The following MYO1E variants were observed in gnomAD, a reference collection of about 807,000 sequenced individuals.
MYO1E encodes the protein unconventional myosin-Ie.
In MYO1E, 68 loss-of-function variants were observed where a neutral mutation model predicts 151.1. The ratio of observed to expected loss-of-function variants is 0.45; its 90% CI spans 0.37 to 0.55. The LOEUF is 0.55. MYO1E is among the 20% of genes least tolerant of loss of function. The pLI, the probability that MYO1E is intolerant of heterozygous loss-of-function variation, is 0.00. For synonymous variants in MYO1E, 601 were observed against 501.7 expected, an observed-to-expected ratio of 1.20 and a Z score of -2.64; for missense variants, 1,363 against 1,389.3, an observed-to-expected ratio of 0.98 and a Z score of 0.30.
intron 22 of MYO1E, among the ~76,000 whole-genome samples, chr15:59,169,944 G>A (rs2079582540): frequency 6.6e-6 from 1 of 152,170 alleles, no homozygotes; most frequent in Admixed American, 6.5e-5. Flanking sequence ...TGGATCACTT[G>A]AAGTCGGGAG....
At chr15:59,181,054 C>T (rs78406543) in intron 18 of MYO1E, among the ~76,000 whole-genome samples, 1,569 of 152,212 alleles carry the variant, frequency 0.01, 32 homozygotes, top group African/African-American at 0.036. Flanking sequence ...CTCCCAGCTG[C>T]TGGCACTTGA....
At chr15:59,278,499 A>G (rs1026766300) in intron 1 of MYO1E, among the ~76,000 whole-genome samples, 1 of 151,348 alleles carries the variant, frequency 6.6e-6, no homozygotes, top group Non-Finnish European at 1.5e-5. Context: ...TCCACTGCAA[A>G]TGATGAAAAA....
chr15:59,224,404 A>G (rs954383140), intron 8 of MYO1E, among the ~76,000 whole-genome samples: 3 of 152,240 alleles, frequency 2.0e-5, no homozygotes, highest in African/African-American at 7.2e-5. Context: ...GCAAACAGGT[A>G]TGCTCAACGT....
At chr15:59,231,838 C>T in intron 5 of MYO1E, 47 bp from the exon 6 acceptor site, 1 of 1,595,768 alleles carries the variant, frequency 6.3e-7, no homozygotes, top group East Asian at 2.2e-5. Context: ...GAACACCTAC[C>T]ACACAGTGTA....
intron 25 of MYO1E, among the ~76,000 whole-genome samples, chr15:59,157,242 G>T (rs1234018804): frequency 6.6e-6 from 1 of 152,022 alleles, no homozygotes; most frequent in Non-Finnish European, 1.5e-5. Flanking sequence ...AGATAAATAT[G>T]AAATATGAGC....
intron 18 of MYO1E, among the ~76,000 whole-genome samples, chr15:59,187,274 T>C (rs986051978): frequency 8.5e-5 from 13 of 152,256 alleles, no homozygotes; most frequent in African/African-American, 2.4e-4. Context: ...AATTAAAAAA[T>C]GGCAAAGGGC....
rs747434295 is a variant in MYO1E, at chr15:59,174,218, C to T, written c.2072G>A (p.Arg691Lys). ...PESLFLLEEM[R>K]ERKYDGYARV... ...AGCATACCCATCATACTTTCTCTCTCTCATCTCTTCTAAAAGAAATAGCTG... is the reference window on the plus strand; with the variant it reads ...AGCATACCCATCATACTTTCTCTCTTTCATCTCTTCTAAAAGAAATAGCTG... Residue 691 changes from arginine to lysine, a missense_variant, in exon 20 of 28, where the codon AGA becomes AAA. Transcript: ENST00000288235. 1 of 1,613,572 alleles carries T rather than the reference C, an allele frequency of 6.2e-7. No individual in the cohort carries two copies. Among genetic ancestry groups the T allele is most frequent in the South Asian group, 1.1e-5 (1 of 91,064 alleles).
rs766035189 is a variant in MYO1E, at chr15:59,224,746, G to A, written c.720C>T (p.Leu240=). The A allele has an allele frequency of 3.4e-5, 55 of 1,614,058 alleles. No homozygotes were observed. Among genetic ancestry groups the A allele is most frequent in the Non-Finnish European group, 4.5e-5 (53 of 1,180,024 alleles). ...TSMDYYYYLS[L]SGSYKVDDID... Reference sequence around the variant, plus strand: ...TGTCATCAACCTTGTATGAGCCCGAGAGGCTCAGGTAGTAATAATAGTCCA... The same window carrying A: ...TGTCATCAACCTTGTATGAGCCCGAAAGGCTCAGGTAGTAATAATAGTCCA... Residue 240 remains leucine, a synonymous_variant, in exon 8 of 28, where the codon CTC becomes CTT. Coordinates refer to ENST00000288235, the MANE Select transcript of MYO1E (RefSeq NM_004998.4).
intron 4 of MYO1E, among the ~76,000 whole-genome samples, chr15:59,249,124 T>C (rs779395138): frequency 4.0e-5 from 6 of 151,886 alleles, no homozygotes; most frequent in Non-Finnish European, 8.8e-5. Flanking sequence ...GATTTATTTC[T>C]TTCAAAATCC....
chr15:59,206,053 T>C (rs11855035), intron 14 of MYO1E, among the ~76,000 whole-genome samples: 13,432 of 152,016 alleles, frequency 0.088, 735 homozygotes, highest in African/African-American at 0.16. Context: ...TCCATAGCAC[T>C]AGGAAGTCCC....
intron 1 of MYO1E, among the ~76,000 whole-genome samples, chr15:59,272,781 T>C (rs566680500): frequency 2.0e-5 from 3 of 152,272 alleles, no homozygotes; most frequent in African/African-American, 7.2e-5. Context: ...TGCTAAACAG[T>C]GTCAGGAATA....
intron 1 of MYO1E, among the ~76,000 whole-genome samples, chr15:59,277,875 G>A (rs181212602): frequency 2.2e-4 from 33 of 152,224 alleles, no homozygotes; most frequent in East Asian, 1.5e-3. Context: ...TTTTTAAAAC[G>A]GCATGTTTGC....
intron 1 of MYO1E, among the ~76,000 whole-genome samples, chr15:59,336,833 A>C (rs2080731875): frequency 6.6e-6 from 1 of 151,192 alleles, no homozygotes; most frequent in Non-Finnish European, 1.5e-5. Flanking sequence ...TGTCAGTGAG[A>C]ACATGCGGTG....
intron 10 of MYO1E, among the ~76,000 whole-genome samples, chr15:59,216,631 C>T (rs2079916856): frequency 3.8e-5 from 1 of 26,448 alleles, no homozygotes; most frequent in Non-Finnish European, 1.1e-4. Flanking sequence ...TCTTTTGGAT[C>T]GAAGGGCCCC....
chr15:59,213,048 C>T (rs1391819664), intron 12 of MYO1E, among the ~76,000 whole-genome samples: 2 of 152,056 alleles, frequency 1.3e-5, no homozygotes, highest in Non-Finnish European at 2.9e-5. Flanking sequence ...TTTTAAGTCA[C>T]TCAGTTTGTG....
At chr15:59,163,505 T>C (rs2079549278) in intron 22 of MYO1E, among the ~76,000 whole-genome samples, 1 of 152,110 alleles carries the variant, frequency 6.6e-6, no homozygotes, top group South Asian at 2.1e-4. Flanking sequence ...TCAAAGAAGG[T>C]TTATAGTCCA....
At chr15:59,143,999 T>A (rs941135744) in intron 26 of MYO1E, among the ~76,000 whole-genome samples, 1 of 152,024 alleles carries the variant, frequency 6.6e-6, no homozygotes, top group African/African-American at 2.4e-5. Context: ...TTTGGCTAAC[T>A]CCCCCTGAGA....
chr15:59,357,157 C>T (rs1485963096), intron 1 of MYO1E, among the ~76,000 whole-genome samples: 1 of 151,596 alleles, frequency 6.6e-6, no homozygotes, highest in East Asian at 2.0e-4. Context: ...CCACCCACCT[C>T]AGCCTCTCAA....
intron 4 of MYO1E, among the ~76,000 whole-genome samples, chr15:59,251,271 T>C (rs1009538938): frequency 5.3e-5 from 8 of 152,224 alleles, no homozygotes; most frequent in Middle Eastern, 3.4e-3. Flanking sequence ...CTTAAACTTG[T>C]AGAAAATCCA....
Sources: gnomAD v4.1 joint callset for allele counts (sites outside exome capture counted in the v4.1 genomes callset) on GRCh38, gnomAD v4.1.1 for gene constraint, MANE v1.5 for transcripts, NCBI Gene and HGNC (gene_info 2026-07-23, HGNC 2026-07-21) for gene names.